The following DLGAP2 variants were observed in gnomAD, a reference collection of about 807,000 sequenced individuals.
The protein encoded by DLGAP2 is DLG associated protein 2.
A neutral mutation model predicts 100.3 loss-of-function variants in DLGAP2; 26 were observed. The observed-to-expected ratio is 0.26, with a 90% CI of 0.19 to 0.36. The LOEUF (loss-of-function observed/expected upper bound fraction) is 0.36. Ranked by LOEUF, DLGAP2 falls within the 10% of genes least tolerant of loss-of-function variation. DLGAP2 has a pLI of 1.00. For synonymous variants in DLGAP2, 886 were observed against 630.1 expected (o/e 1.41, Z -6.08); for missense variants, 1,858 against 1,453.2 (o/e 1.28, Z -4.53).
At chr8:1,284,980 C>T (rs550343844) in intron 3 of DLGAP2, among the ~76,000 whole-genome samples, 1 of 152,338 alleles carries the variant, frequency 6.6e-6, no homozygotes, top group Admixed American at 6.5e-5. Context: ...CCAGCAAATG[C>T]CAGGTTCTTG....
At chr8:1,017,939 T>G (rs1801515478) in intron 2 of DLGAP2, among the ~76,000 whole-genome samples, 1 of 152,240 alleles carries the variant, frequency 6.6e-6, no homozygotes, top group Non-Finnish European at 1.5e-5. Flanking sequence ...GGCTTTGTAG[T>G]GCTTGGGGCC....
At chr8:817,751 C>T (rs776239007) in intron 1 of DLGAP2, among the ~76,000 whole-genome samples, 2 of 152,146 alleles carry the variant, frequency 1.3e-5, no homozygotes, top group Non-Finnish European at 2.9e-5. Flanking sequence ...GTCCAGCCAC[C>T]CGGTGGAGCT....
At chr8:1,279,065 CT>C (rs1046614639) in intron 3 of DLGAP2, among the ~76,000 whole-genome samples, 1 of 152,194 alleles carries the variant, frequency 6.6e-6, no homozygotes, top group Non-Finnish European at 1.5e-5. Flanking sequence ...TGTGCTTTAA[CT>C]GCAGAATTTT....
intron 3 of DLGAP2, chr8:1,300,692 G>C (rs1036016040): frequency 2.6e-5 from 4 of 152,218 alleles, no homozygotes; most frequent in African/African-American, 9.7e-5. Flanking sequence ...GTCGGCCTAG[G>C]AGACGGGGAT....
At chr8:1,470,540 G>T (rs542793224) in intron 3 of DLGAP2, among the ~76,000 whole-genome samples, 1 of 152,218 alleles carries the variant, frequency 6.6e-6, no homozygotes, top group South Asian at 2.1e-4. Context: ...CCAGTCACAC[G>T]CAGAAGCACA....
chr8:1,678,021 G>A (rs531802759), intron 11 of DLGAP2, among the ~76,000 whole-genome samples, 193 bp from the exon 12 acceptor site: 1 of 152,372 alleles, frequency 6.6e-6, no homozygotes, highest in Admixed American at 6.5e-5. Context: ...AGATGTTAAA[G>A]TATAATGATT....
At chr8:1,156,306 T>A (rs1307412565) in intron 2 of DLGAP2, among the ~76,000 whole-genome samples, 1 of 152,078 alleles carries the variant, frequency 6.6e-6, no homozygotes, top group Non-Finnish European at 1.5e-5. Flanking sequence ...CCAAAGCCAC[T>A]CCTGAGGAGA....
At position 1,626,857 on chromosome 8, in the gene DLGAP2, C is replaced by T; in HGVS notation, c.1560C>T (p.Ser520=). ...SRNQSYMRAV[S]TLSQASCVSQ... is the part of the protein sequence containing the mutation. ...ACCAGAGCTACATGAGGGCCGTCAGCACCCTGAGCCAGGCCAGCTGCGTGA... is the reference window on the plus strand; with the variant it reads ...ACCAGAGCTACATGAGGGCCGTCAGTACCCTGAGCCAGGCCAGCTGCGTGA... Residue 520 remains serine, a synonymous_variant, in exon 7 of 15, where the codon AGC becomes AGT. Transcript: ENST00000637795. 6.2e-7 allele frequency: 1 copy of T among 1,606,150 alleles called. No homozygotes were observed. Among genetic ancestry groups the T allele is most frequent in the Non-Finnish European group, 8.5e-7 (1 of 1,176,554 alleles).
intron 14 of DLGAP2, among the ~76,000 whole-genome samples, chr8:1,697,510 G>C (rs956107431): frequency 1.3e-5 from 2 of 152,290 alleles, no homozygotes; most frequent in African/African-American, 4.8e-5. Context: ...TTGAAGCCTT[G>C]GGCATGGGTG....
chr8:1,606,933 C>T (rs1016986610), intron 6 of DLGAP2, among the ~76,000 whole-genome samples: 1 of 152,212 alleles, frequency 6.6e-6, no homozygotes, highest in Non-Finnish European at 1.5e-5. Context: ...GATCCACCTA[C>T]CGCAGCCTCC....
intron 3 of DLGAP2, among the ~76,000 whole-genome samples, chr8:1,325,459 C>T (rs1800999887): frequency 6.6e-6 from 1 of 152,346 alleles, no homozygotes; most frequent in East Asian, 1.9e-4. Context: ...AGTGAGCTTT[C>T]ACTGCCTCCC....
chr8:1,617,276 G>C (rs1338364584), intron 6 of DLGAP2, among the ~76,000 whole-genome samples: 1 of 152,140 alleles, frequency 6.6e-6, no homozygotes, highest in Non-Finnish European at 1.5e-5. Context: ...TGGTAGTTCT[G>C]TTTTTAGTTC....
At chr8:934,867 G>C (rs1298520897) in intron 2 of DLGAP2, among the ~76,000 whole-genome samples, 1 of 152,212 alleles carries the variant, frequency 6.6e-6, no homozygotes, top group Non-Finnish European at 1.5e-5. Context: ...CAGAAGGAAA[G>C]AGTGATTTGC....
intron 3 of DLGAP2, among the ~76,000 whole-genome samples, chr8:1,289,123 C>T (rs1486476416): frequency 1.3e-5 from 2 of 152,148 alleles, no homozygotes; most frequent in Non-Finnish European, 2.9e-5. Flanking sequence ...TGAATTGAGA[C>T]CCCAGGCTGT....
At chr8:949,544 C>T (rs990944683) in intron 2 of DLGAP2, among the ~76,000 whole-genome samples, 2 of 152,208 alleles carry the variant, frequency 1.3e-5, no homozygotes, top group Admixed American at 6.5e-5. Context: ...GGGCCAGTGC[C>T]TGCCGGGGCA....
At chr8:1,416,028 A>G (rs1796873205) in intron 3 of DLGAP2, among the ~76,000 whole-genome samples, 1 of 152,240 alleles carries the variant, frequency 6.6e-6, no homozygotes, top group Non-Finnish European at 1.5e-5. Flanking sequence ...GCCAATGGGA[A>G]GCAGGTGGAA....
At chr8:880,042 A>G (rs1258334981) in intron 1 of DLGAP2, among the ~76,000 whole-genome samples, 2 of 152,110 alleles carry the variant, frequency 1.3e-5, no homozygotes, top group Non-Finnish European at 1.5e-5. Flanking sequence ...TCTTCAGGAA[A>G]TTCTGTCCTG....
intron 3 of DLGAP2, among the ~76,000 whole-genome samples, chr8:1,409,553 C>T (rs1796671340): frequency 6.6e-6 from 1 of 152,168 alleles, no homozygotes; most frequent in South Asian, 2.1e-4. Flanking sequence ...CAGCCTGTCA[C>T]CGTGTGATGG....
chr8:1,549,533 G>A lies in DLGAP2; in HGVS notation c.1080G>A (p.Thr360=). The A allele has an allele frequency of 1.9e-6, 3 of 1,613,360 alleles. No individual in the cohort carries two copies. Among genetic ancestry groups the A allele is most frequent in the Non-Finnish European group, 2.5e-6 (3 of 1,179,848 alleles). The change falls in exon 5 of 15, where the codon ACG becomes ACA. Residue 360 remains threonine, a synonymous_variant. Coordinates refer to ENST00000637795, the MANE Select transcript of DLGAP2 (RefSeq NM_001346810.2). The part of the protein sequence containing the change: ...KCSACEGLAL[T]PDAKYLKRSS... ...CGGCCTGTGAGGGGTTGGCGCTGACGCCCGACGCCAAGTACCTGAAGCGCA... is the reference window on the plus strand; with the variant it reads ...CGGCCTGTGAGGGGTTGGCGCTGACACCCGACGCCAAGTACCTGAAGCGCA...
Sources: gnomAD v4.1 joint callset for allele counts (sites outside exome capture counted in the v4.1 genomes callset) on GRCh38, gnomAD v4.1.1 for gene constraint, MANE v1.5 for transcripts, NCBI Gene and HGNC (gene_info 2026-07-23, HGNC 2026-07-21) for gene names.